Variants in CDKAL1 observed in about 807,000 individuals in gnomAD.
The protein encoded by CDKAL1 is CDKAL1 threonylcarbamoyladenosine tRNA methylthiotransferase, also known as threonylcarbamoyladenosine tRNA methylthiotransferase.
CDKAL1 carries 32 observed loss-of-function variants against 68.2 expected under a neutral mutation model. The ratio of observed to expected loss-of-function variants is 0.47; its 90% CI spans 0.35 to 0.63. The LOEUF is 0.63. Among genes scored for constraint, CDKAL1 ranks in the 30% least tolerant of loss-of-function variants. CDKAL1 has a pLI of 0.00. For synonymous variants in CDKAL1, 234 were observed against 244.3 expected, an observed-to-expected ratio of 0.96 and a Z score of 0.39; for missense variants, 606 against 696.7, an observed-to-expected ratio of 0.87 and a Z score of 1.47.
At chr6:20,771,631 T>A (rs1774946019) in intron 7 of CDKAL1, among the ~76,000 whole-genome samples, 1 of 152,168 alleles carries the variant, frequency 6.6e-6, no homozygotes, top group South Asian at 2.1e-4. Flanking sequence ...AATGTGATCC[T>A]CGCTGTTGGA....
At chr6:20,960,390 G>T (rs372625216) in intron 10 of CDKAL1, among the ~76,000 whole-genome samples, 4 of 152,136 alleles carry the variant, frequency 2.6e-5, no homozygotes, top group Non-Finnish European at 5.9e-5. Flanking sequence ...ATTCTAATTC[G>T]CAAATGCTTT....
intron 5 of CDKAL1, among the ~76,000 whole-genome samples, chr6:20,688,133 C>G (rs1265941974): frequency 6.6e-6 from 1 of 151,992 alleles, no homozygotes; most frequent in Admixed American, 6.5e-5. Flanking sequence ...CCCCCTCACC[C>G]CCCACCTCTG....
intron 11 of CDKAL1, among the ~76,000 whole-genome samples, chr6:21,064,515 T>C (rs1203698250): frequency 1.3e-5 from 2 of 152,276 alleles, no homozygotes; most frequent in East Asian, 1.9e-4. Context: ...ATATAGAACA[T>C]TAAGCTAATT....
At chr6:21,042,456 T>C (rs556567709) in intron 11 of CDKAL1, among the ~76,000 whole-genome samples, 1 of 152,290 alleles carries the variant, frequency 6.6e-6, no homozygotes, top group Non-Finnish European at 1.5e-5. Flanking sequence ...GGTACTCTGG[T>C]AGATGTCTTG....
chr6:21,028,827 G>A (rs1769100951), intron 11 of CDKAL1, among the ~76,000 whole-genome samples: 1 of 152,132 alleles, frequency 6.6e-6, no homozygotes. Context: ...CTTATAACCT[G>A]AATGTTCAAT....
At chr6:20,826,474 C>T (rs1023167777) in intron 8 of CDKAL1, among the ~76,000 whole-genome samples, 2 of 152,160 alleles carry the variant, frequency 1.3e-5, no homozygotes, top group African/African-American at 4.8e-5. Context: ...TAGAACTCAT[C>T]ATGTGTCATG....
At chr6:20,842,693 T>C (rs1013787100) in intron 8 of CDKAL1, among the ~76,000 whole-genome samples, 3 of 152,070 alleles carry the variant, frequency 2.0e-5, no homozygotes, top group African/African-American at 7.2e-5. Context: ...TAGCCAGGCG[T>C]AGTGGCAGGT....
chr6:20,758,527 A>G, intron 6 of CDKAL1, 68 bp from the exon 7 acceptor site: 5 of 1,352,010 alleles, frequency 3.7e-6, no homozygotes, highest in Non-Finnish European at 5.2e-6. Context: ...TGACTCAAGC[A>G]TAAGGATAAA....
intron 9 of CDKAL1, among the ~76,000 whole-genome samples, chr6:20,934,900 ATT>A (rs35030815): frequency 8.8e-5 from 12 of 136,606 alleles, no homozygotes; most frequent in Admixed American, 2.2e-4. Flanking sequence ...CGCCTTATAC[ATT>A]TTTTTTTTTT....
chr6:20,550,745 G>A (rs1053214476), intron 4 of CDKAL1, among the ~76,000 whole-genome samples: 1 of 151,860 alleles, frequency 6.6e-6, no homozygotes, highest in Admixed American at 6.6e-5. Context: ...ACTATAATTC[G>A]AATGCTTTGT....
intron 6 of CDKAL1, chr6:20,756,914 TCCTTCCTTCCCTCCTTC>T (rs1774230637): frequency 9.7e-6 from 1 of 103,168 alleles, no homozygotes; most frequent in Non-Finnish European, 2.1e-5. Flanking sequence ...CTTCCTTCCT[TCCTTCCTTCCCTCCTTC>T]CCTTCCTTCC....
chr6:20,922,186 C>T (rs755092730), intron 9 of CDKAL1, among the ~76,000 whole-genome samples: 1 of 152,188 alleles, frequency 6.6e-6, no homozygotes, highest in Non-Finnish European at 1.5e-5. Flanking sequence ...GAACAAATCT[C>T]GTGTTCGAAT....
At chr6:20,850,013 G>GTA (rs1758927244) in intron 9 of CDKAL1, among the ~76,000 whole-genome samples, 1 of 152,084 alleles carries the variant, frequency 6.6e-6, no homozygotes, top group Non-Finnish European at 1.5e-5. Context: ...AACCATAATA[G>GTA]AAGAAATGAC....
chr6:20,669,442 C>T (rs1462971873), intron 5 of CDKAL1, among the ~76,000 whole-genome samples: 1 of 152,056 alleles, frequency 6.6e-6, no homozygotes, highest in Non-Finnish European at 1.5e-5. Context: ...CATTATCACC[C>T]ATGTTGTTCT....
rs545162371 is a variant in CDKAL1 at position 20,714,378 on chromosome 6, C to CTTTTTTTTTTTTT, written c.372-25125_372-25113dup. ...AATATTAATGATACTATTGTCTGTTCTTTTTTTTTTTTTTTTTTTTTTTTT... is the reference window on the plus strand; with the variant it reads ...AATATTAATGATACTATTGTCTGTTCTTTTTTTTTTTTTTTTTTTTTTTTTTTTTTTTTTTTTT... On this transcript the variant is annotated intron_variant, in intron 5 of 15. Coordinates refer to ENST00000274695, the MANE Select transcript of CDKAL1 (RefSeq NM_017774.3). 1.6e-4 allele frequency among the ~76,000 whole-genome samples: 12 copies of CTTTTTTTTTTTTT among 72,742 alleles called. 2 individuals carry two copies. The highest frequency in any genetic ancestry group is 2.3e-4 in the Non-Finnish European group (8 of 34,774). The allele number at this position is 72,742 out of a possible 152,430, so 47.7% of individuals were successfully genotyped here.
intron 12 of CDKAL1, among the ~76,000 whole-genome samples, chr6:21,082,438 G>A (rs893018401): frequency 6.6e-6 from 1 of 152,170 alleles, no homozygotes; most frequent in South Asian, 2.1e-4. Context: ...TCAGCTCAGA[G>A]AAGTTAAGTT....
chr6:20,875,305 C>A (rs956397038), intron 9 of CDKAL1, among the ~76,000 whole-genome samples: 111 of 71,192 alleles, frequency 1.6e-3, no homozygotes, highest in South Asian at 2.3e-3. Flanking sequence ...GACTCCGTCT[C>A]AAAAAAAAAA....
chr6:20,645,330 T>G (rs1768390486), intron 4 of CDKAL1, among the ~76,000 whole-genome samples: 1 of 152,008 alleles, frequency 6.6e-6, no homozygotes, highest in South Asian at 2.1e-4. Flanking sequence ...ATGAACCTTT[T>G]AATTTTTGAA....
chr6:21,192,086 A>ATCTCG (rs1354310593), intron 13 of CDKAL1, among the ~76,000 whole-genome samples: 1 of 118,862 alleles, frequency 8.4e-6, no homozygotes, highest in Non-Finnish European at 1.6e-5. Flanking sequence ...CAGTGGCGCA[A>ATCTCG]TCTCGGCTCA....
Sources: allele counts gnomAD v4.1 joint callset (sites outside exome capture counted in the v4.1 genomes callset), GRCh38; gene constraint gnomAD v4.1.1; transcripts MANE v1.5; gene names NCBI Gene and HGNC (gene_info 2026-07-23, HGNC 2026-07-21).